Variants in CREB3L2 observed in about 807,000 individuals in gnomAD.
The protein encoded by CREB3L2 is cyclic AMP-responsive element-binding protein 3-like protein 2.
Under a neutral mutation model 57.2 loss-of-function variants are expected in CREB3L2, and 23 were observed. The observed-to-expected ratio is 0.40, with a 90% CI of 0.29 to 0.57. CREB3L2 has a LOEUF of 0.57. Ranked by LOEUF, CREB3L2 falls within the 20% of genes least tolerant of loss-of-function variation. The pLI, the probability that CREB3L2 is intolerant of heterozygous loss-of-function variation, is 0.42. For synonymous variants in CREB3L2, 268 were observed against 265.1 expected, an observed-to-expected ratio of 1.01 and a Z score of -0.11; for missense variants, 628 against 634.7, an observed-to-expected ratio of 0.99 and a Z score of 0.11.
At chr7:137,918,838 T>G (rs1800208483) in intron 2 of CREB3L2, among the ~76,000 whole-genome samples, 1 of 152,154 alleles carries the variant, frequency 6.6e-6, no homozygotes, top group South Asian at 2.1e-4. Context: ...GTGTGCACAT[T>G]CGTAAAACAA....
intron 1 of CREB3L2, among the ~76,000 whole-genome samples, chr7:137,972,437 C>CAAACA (rs58799428): frequency 3.2e-4 from 49 of 151,594 alleles, no homozygotes; most frequent in East Asian, 1.2e-3. Context: ...GACTCCATCT[C>CAAACA]AAACAAAACA....
intron 4 of CREB3L2, among the ~76,000 whole-genome samples, chr7:137,912,472 T>G (rs1800031677): frequency 6.6e-6 from 1 of 151,988 alleles, no homozygotes; most frequent in South Asian, 2.1e-4. Context: ...TTGTGAACCA[T>G]GAACATGACC....
intron 3 of CREB3L2, among the ~76,000 whole-genome samples, chr7:137,915,482 T>C (rs971869721): frequency 1.3e-5 from 2 of 152,166 alleles, no homozygotes; most frequent in African/African-American, 4.8e-5. Context: ...CTGTAAGCCA[T>C]GGATTACATC....
intron 10 of CREB3L2, among the ~76,000 whole-genome samples, chr7:137,882,830 T>C (rs769749535): frequency 1.3e-5 from 2 of 152,134 alleles, no homozygotes; most frequent in Non-Finnish European, 2.9e-5. Flanking sequence ...ATACCAATTA[T>C]ACAGTGCTGG....
chr7:137,986,636 A>G (rs1801796255), intron 1 of CREB3L2, among the ~76,000 whole-genome samples: 1 of 152,194 alleles, frequency 6.6e-6, no homozygotes, highest in African/African-American at 2.4e-5. Flanking sequence ...CCAGTGGTTG[A>G]GCAATCTGCA....
intron 8 of CREB3L2, among the ~76,000 whole-genome samples, chr7:137,889,579 G>C (rs1043007927): frequency 6.6e-6 from 1 of 152,206 alleles, no homozygotes; most frequent in African/African-American, 2.4e-5. Flanking sequence ...AAGCGCAACA[G>C]TGACTAATAA....
intron 2 of CREB3L2, among the ~76,000 whole-genome samples, chr7:137,921,324 C>T (rs1451403786): frequency 1.3e-5 from 2 of 152,228 alleles, no homozygotes; most frequent in African/African-American, 4.8e-5. Context: ...AAAGGTCAAA[C>T]TCGACTGGCA....
intron 1 of CREB3L2, among the ~76,000 whole-genome samples, chr7:137,983,093 C>T (rs1202649615): frequency 6.6e-6 from 1 of 152,186 alleles, no homozygotes; most frequent in Non-Finnish European, 1.5e-5. Context: ...GCAGCCTGAG[C>T]AGACTAATAC....
chr7:137,941,794 A>G (rs904706926), intron 1 of CREB3L2, among the ~76,000 whole-genome samples: 47 of 152,234 alleles, frequency 3.1e-4, no homozygotes, highest in Admixed American at 1.3e-4. Context: ...CTTTGGCATA[A>G]TAAGAGCTTA....
Position 137,882,406 on chromosome 7 carries a change from A to G in CREB3L2, c.1487+6T>C. Reference sequence around the variant, plus strand: ...GAGGAGTTGGCTCTGTGTCTCTATGACTCACAGGTGCTGCTGCAGCTCCAA... The same window carrying G: ...GAGGAGTTGGCTCTGTGTCTCTATGGCTCACAGGTGCTGCTGCAGCTCCAA... On this transcript the variant is annotated splice_donor_region_variant and intron_variant, in intron 11 of 11. Transcript: ENST00000330387. The G allele has an allele frequency of 6.2e-7, 1 of 1,609,036 alleles. No individual in the cohort carries two copies. The highest frequency in any genetic ancestry group is 8.5e-7 in the Non-Finnish European group (1 of 1,176,380).
chr7:137,884,712 C>A (rs955155801), intron 10 of CREB3L2: 2 of 597,350 alleles, frequency 3.3e-6, no homozygotes, highest in Non-Finnish European at 6.0e-6. Flanking sequence ...TCTCCCTTAT[C>A]AGAACTCAAA....
Position 137,880,907 on chromosome 7 carries a change from C to T in CREB3L2, c.1488-356G>A, listed in dbSNP as rs1347299523. Among the ~76,000 whole-genome samples the T allele has an allele frequency of 6.6e-6, 1 of 152,192 alleles. No individual in the cohort carries two copies. The highest frequency in any genetic ancestry group is 2.4e-5 in the African/African-American group (1 of 41,428). The stretch of plus-strand genomic sequence containing the variant: ...GAAGGAGAAAATAAAATGATAAGAG[C>T]TGATCCTTGGCCTAGAAGAGCTAAT... On this transcript the variant is annotated intron_variant, in intron 11 of 11. Coordinates refer to ENST00000330387, the MANE Select transcript of CREB3L2 (RefSeq NM_194071.4). The surrounding 1 kb of genome is among the most constrained non-coding windows in gnomAD (Gnocchi z 4.0).
At chr7:137,972,160 A>G (rs1433387517) in intron 1 of CREB3L2, among the ~76,000 whole-genome samples, 1 of 152,178 alleles carries the variant, frequency 6.6e-6, no homozygotes, top group African/African-American at 2.4e-5. Context: ...TCATGCCTGT[A>G]ATCCCAACAC....
chr7:137,882,097 C>T (rs73729089), intron 11 of CREB3L2, among the ~76,000 whole-genome samples: 5,847 of 152,304 alleles, frequency 0.038, 339 homozygotes, highest in African/African-American at 0.13. Context: ...GCTGTGCATT[C>T]ACTCGTGTGG....
intron 1 of CREB3L2, among the ~76,000 whole-genome samples, chr7:137,988,236 A>T (rs1359214435): frequency 6.6e-6 from 1 of 152,266 alleles, no homozygotes; most frequent in African/African-American, 2.4e-5. Flanking sequence ...ACAGAGAGCA[A>T]GGGCAGAACC....
intron 1 of CREB3L2, among the ~76,000 whole-genome samples, chr7:138,000,920 T>A (rs1038092466): frequency 6.6e-6 from 1 of 152,170 alleles, no homozygotes. Context: ...TGGTGAGCTG[T>A]CCCACCTTCC....
intron 1 of CREB3L2, among the ~76,000 whole-genome samples, chr7:137,944,214 G>A (rs895320049): frequency 1.2e-4 from 18 of 152,116 alleles, no homozygotes; most frequent in Non-Finnish European, 2.1e-4. Flanking sequence ...CCATTTAGAA[G>A]GGAAAGGGAA....
chr7:137,989,435 T>TAA (rs1801848591), intron 1 of CREB3L2, among the ~76,000 whole-genome samples: 1 of 148,732 alleles, frequency 6.7e-6, no homozygotes, highest in African/African-American at 2.5e-5. Flanking sequence ...TTCTCCAGTT[T>TAA]TTTTTTTTTT....
At chr7:137,960,389 G>A (rs1017980232) in intron 1 of CREB3L2, among the ~76,000 whole-genome samples, 1 of 152,160 alleles carries the variant, frequency 6.6e-6, no homozygotes, top group African/African-American at 2.4e-5. Context: ...ATACATATGT[G>A]TGTGTTTATA....
Sources: allele counts gnomAD v4.1 joint callset (sites outside exome capture counted in the v4.1 genomes callset), GRCh38; gene constraint gnomAD v4.1.1; non-coding constraint Gnocchi (gnomAD v3.1); transcripts MANE v1.5; gene names NCBI Gene and HGNC (gene_info 2026-07-23, HGNC 2026-07-21).